The following UVRAG variants were observed in gnomAD, a reference collection of about 807,000 sequenced individuals.
The protein encoded by UVRAG is UV radiation resistance-associated gene protein.
Under a neutral mutation model 78.0 loss-of-function variants are expected in UVRAG, and 19 were observed. That is an observed-to-expected ratio of 0.24 (90% CI 0.17 to 0.36). UVRAG has a LOEUF of 0.36. Ranked by LOEUF, UVRAG falls within the 10% of genes least tolerant of loss-of-function variation. UVRAG has a pLI of 1.00. For missense variants in UVRAG, 740 were observed against 853.8 expected (o/e 0.87, Z 1.66); for synonymous variants, 323 against 324.6 (o/e 1.00, Z 0.05).
At chr11:76,046,517 G>A (rs1292089576) in intron 12 of UVRAG, among the ~76,000 whole-genome samples, 1 of 152,124 alleles carries the variant, frequency 6.6e-6, no homozygotes, top group Non-Finnish European at 1.5e-5. Context: ...GGAAAACCAA[G>A]TTTAAAAGAA....
chr11:76,072,067 T>C (rs1427028595), intron 13 of UVRAG, among the ~76,000 whole-genome samples: 1 of 151,946 alleles, frequency 6.6e-6, no homozygotes, highest in African/African-American at 2.4e-5. Flanking sequence ...TCCAGAGAAC[T>C]AGATGAGATT....
intron 3 of UVRAG, 111 bp downstream of exon 3, chr11:75,861,891 C>T (rs1198374506): frequency 3.7e-5 from 31 of 847,058 alleles, no homozygotes; most frequent in African/African-American, 6.8e-5. Context: ...GATACTTTAA[C>T]GGATCTGCTC....
At chr11:75,975,302 TG>T (rs1431482776) in intron 7 of UVRAG, among the ~76,000 whole-genome samples, 1 of 152,228 alleles carries the variant, frequency 6.6e-6, no homozygotes, top group African/African-American at 2.4e-5. Context: ...GGTATTGTGA[TG>T]CCTCTAGTTT....
chr11:75,856,618 G>A (rs1248357075), intron 2 of UVRAG, among the ~76,000 whole-genome samples: 1 of 151,944 alleles, frequency 6.6e-6, no homozygotes, highest in African/African-American at 2.4e-5. Flanking sequence ...CTAATTTTTT[G>A]TTGTTGTTTG....
chr11:75,820,595 T>C (rs536341326), intron 1 of UVRAG, among the ~76,000 whole-genome samples: 48 of 152,274 alleles, frequency 3.2e-4, no homozygotes, highest in African/African-American at 1.1e-3. Flanking sequence ...GCTCAGGTGA[T>C]CCACCTGCCT....
At chr11:76,066,936 T>C (rs144261707) in intron 13 of UVRAG, among the ~76,000 whole-genome samples, 3 of 152,294 alleles carry the variant, frequency 2.0e-5, no homozygotes, top group Non-Finnish European at 4.4e-5. Flanking sequence ...AGATTTACGA[T>C]GCTTTTGTTT....
At chr11:76,128,853 C>T (rs1279485423) in intron 14 of UVRAG, among the ~76,000 whole-genome samples, 2 of 152,034 alleles carry the variant, frequency 1.3e-5, no homozygotes, top group African/African-American at 2.4e-5. Context: ...TTGTTTTAGC[C>T]TCTGGATCCA....
chr11:75,932,843 G>C (rs563511336), intron 6 of UVRAG, among the ~76,000 whole-genome samples: 5 of 152,216 alleles, frequency 3.3e-5, no homozygotes, highest in African/African-American at 1.2e-4. Flanking sequence ...ATTAATACAA[G>C]AAATTGAAGC....
At chr11:75,916,076 A>G (rs1947846233) in intron 6 of UVRAG, 2 of 152,218 alleles carry the variant, frequency 1.3e-5, no homozygotes, top group South Asian at 4.1e-4. Flanking sequence ...AAGAAAAGTA[A>G]TAATTCTGGT....
chr11:76,046,859 A>C (rs1565135655), intron 12 of UVRAG, among the ~76,000 whole-genome samples: 1 of 152,248 alleles, frequency 6.6e-6, no homozygotes, highest in Non-Finnish European at 1.5e-5. Flanking sequence ...AGGTCTAGGA[A>C]TGGAGATAAA....
rs377505615 is a variant in UVRAG at position 75,823,961 on chromosome 11, A to G, written c.117+8437A>G. Among the ~76,000 whole-genome samples, 12 of 152,316 alleles carry G rather than the reference A, an allele frequency of 7.9e-5. No homozygotes were observed. In the South Asian group the frequency reaches 1.9e-3, roughly 24 times the overall value. ...GATAGAAGCAGAAAAGTAGATCTAA[A>G]GCTTGATTTTGCTGTATAGGATAAA... On this transcript the variant is annotated intron_variant, in intron 1 of 14. Transcript: ENST00000356136.
At chr11:75,988,627 G>C (rs1482518142) in intron 8 of UVRAG, among the ~76,000 whole-genome samples, 1 of 152,158 alleles carries the variant, frequency 6.6e-6, no homozygotes, top group East Asian at 1.9e-4. Flanking sequence ...ACTAGGTGTG[G>C]GATTGCTGGG....
intron 6 of UVRAG, among the ~76,000 whole-genome samples, chr11:75,937,998 C>G (rs1287274492): frequency 6.6e-6 from 1 of 152,044 alleles, no homozygotes; most frequent in Non-Finnish European, 1.5e-5. Context: ...TTTAGTATAT[C>G]ATCAGGTTTA....
At chr11:75,981,823 T>C (rs1169411084) in intron 7 of UVRAG, among the ~76,000 whole-genome samples, 1 of 152,184 alleles carries the variant, frequency 6.6e-6, no homozygotes, top group Admixed American at 6.5e-5. Context: ...TGTGCTGCCA[T>C]TGAGCCCATT....
chr11:76,017,614 A>C (rs1950173596), intron 12 of UVRAG, among the ~76,000 whole-genome samples: 3 of 152,184 alleles, frequency 2.0e-5, no homozygotes, highest in Admixed American at 1.3e-4. Context: ...TGAATATCAA[A>C]GAGAAAGTGA....
intron 2 of UVRAG, among the ~76,000 whole-genome samples, chr11:75,853,930 G>C (rs566109567): frequency 1.0e-3 from 158 of 151,598 alleles, no homozygotes; most frequent in Non-Finnish European, 2.1e-3. Context: ...CTGCCACCAC[G>C]TCCAGCTGAT....
intron 13 of UVRAG, among the ~76,000 whole-genome samples, chr11:76,071,956 A>G (rs1437259830): frequency 6.6e-6 from 1 of 152,168 alleles, no homozygotes; most frequent in African/African-American, 2.4e-5. Context: ...CCTATTAGAA[A>G]TCCAAGTAGA....
At chr11:76,126,760 C>T (rs113032148) in intron 14 of UVRAG, among the ~76,000 whole-genome samples, 9 of 152,236 alleles carry the variant, frequency 5.9e-5, no homozygotes, top group African/African-American at 1.9e-4. Context: ...TCTGTGTGCT[C>T]TGTACTAAGT....
chr11:76,059,058 A>C (rs2134367083), intron 12 of UVRAG, among the ~76,000 whole-genome samples: 1 of 152,324 alleles, frequency 6.6e-6, no homozygotes, highest in African/African-American at 2.4e-5. Flanking sequence ...TTAAAACAAT[A>C]ACTGATTATG....
Sources: allele counts gnomAD v4.1 joint callset (sites outside exome capture counted in the v4.1 genomes callset), GRCh38; gene constraint gnomAD v4.1.1; transcripts MANE v1.5; gene names NCBI Gene and HGNC (gene_info 2026-07-23, HGNC 2026-07-21).